ADGRD1: variants seen among roughly 807,000 people sequenced by gnomAD.
The protein encoded by ADGRD1 is G-protein coupled receptor 133.
ADGRD1 carries 77 observed loss-of-function variants against 113.4 expected under a neutral mutation model. The observed-to-expected ratio is 0.68, with a 90% CI of 0.57 to 0.82. The LOEUF (loss-of-function observed/expected upper bound fraction) is 0.82, where lower values mean the gene tolerates loss of function less well. Among genes scored for constraint, ADGRD1 ranks in the 40% least tolerant of loss-of-function variants. The pLI is 0.00. For synonymous variants in ADGRD1, 474 were observed against 475.0 expected (o/e 1.00, Z 0.03); for missense variants, 1,036 against 1,139.1 (o/e 0.91, Z 1.30).
chr12:130,954,624 G>A lies in ADGRD1; in HGVS notation c.67G>A (p.Val23Met). ...TCACACTGTGGTCTTTTGTGCGCAG[G>A]TGCGTGGCGTCTACTCCAGATCGCA... ...WLLLFYYNFQVRGVYSRSQDH... is the reference protein window; with the variant it reads ...WLLLFYYNFQMRGVYSRSQDH... The change falls in exon 2 of 25, where the codon GTG becomes ATG. Residue 23 changes from valine (V) to methionine (M), a missense_variant and splice_region_variant. Val to Met is a conservative substitution (Grantham distance 21, BLOSUM62 1). Coordinates refer to ENST00000261654, the MANE Select transcript of ADGRD1 (RefSeq NM_198827.5). This position sits in a 1 kb window ranked among gnomAD's most constrained non-coding sequence, Gnocchi z 4.7. 6.2e-7 allele frequency: 1 copy of A among 1,613,888 alleles called. No homozygotes were observed. The highest frequency in any genetic ancestry group is 2.2e-5 in the East Asian group (1 of 44,872).
rs148725070 is a variant in ADGRD1 at position 131,049,449 on chromosome 12, C to T, written c.1474-27352C>T. 5.9e-5 allele frequency among the ~76,000 whole-genome samples: 9 copies of T among 152,372 alleles called. No homozygotes were observed. In the East Asian group the frequency reaches 1.7e-3, roughly 29 times the overall value. On this transcript the variant is annotated intron_variant, in intron 13 of 24. Transcript: ENST00000261654. Reference sequence around the variant, plus strand: ...GATCTCCATGCCTACTTTTCCCTCACTCTAAGCCATTATAGCCAGAGATTC... The same window carrying T: ...GATCTCCATGCCTACTTTTCCCTCATTCTAAGCCATTATAGCCAGAGATTC...
At chr12:131,087,730 C>A (rs921268016) in intron 15 of ADGRD1, among the ~76,000 whole-genome samples, 5 of 152,330 alleles carry the variant, frequency 3.3e-5, no homozygotes, top group Admixed American at 6.5e-5. Flanking sequence ...TCCCCACGCC[C>A]CCCCCATGCC....
chr12:131,064,940 C>G (rs554669186), intron 13 of ADGRD1, among the ~76,000 whole-genome samples: 1 of 152,330 alleles, frequency 6.6e-6, no homozygotes, highest in Non-Finnish European at 1.5e-5. Flanking sequence ...CTGCCCAGCT[C>G]TTGAGCTAGT....
intron 6 of ADGRD1, chr12:130,988,351 T>C (rs1360376492): frequency 6.6e-6 from 1 of 152,162 alleles, no homozygotes; most frequent in African/African-American, 2.4e-5. Context: ...AATAATCTGC[T>C]AAAAAATGAC....
At chr12:131,073,177 AGC>A (rs1247629251) in intron 13 of ADGRD1, among the ~76,000 whole-genome samples, 1 of 152,210 alleles carries the variant, frequency 6.6e-6, no homozygotes, top group African/African-American at 2.4e-5. Context: ...GTCCTGTCTT[AGC>A]CTCTATCAGG....
chr12:131,009,374 G>A (rs946024544), intron 12 of ADGRD1, among the ~76,000 whole-genome samples: 1 of 152,248 alleles, frequency 6.6e-6, no homozygotes, highest in African/African-American at 2.4e-5. Flanking sequence ...AGAGGTTCGT[G>A]CCTGAGCTAA....
intron 17 of ADGRD1, 145 bp from the exon 18 acceptor site, chr12:131,108,579 G>A: frequency 8.8e-7 from 1 of 1,138,894 alleles, no homozygotes; most frequent in Admixed American, 1.9e-5. Flanking sequence ...CCCTGGGCTT[G>A]AGCAACAGGA....
intron 13 of ADGRD1, chr12:131,030,622 C>G (rs560388603): frequency 2.0e-5 from 3 of 152,380 alleles, no homozygotes; most frequent in Non-Finnish European, 2.9e-5. Context: ...TTCAGCTGCA[C>G]ATCGGGGCAG....
chr12:131,076,449 G>A (rs1447914166), intron 13 of ADGRD1, among the ~76,000 whole-genome samples: 1 of 152,104 alleles, frequency 6.6e-6, no homozygotes, highest in African/African-American at 2.4e-5. Context: ...GGCCTGGTAG[G>A]GAGTGGGGAA....
intron 13 of ADGRD1, 103 bp downstream of exon 13, chr12:131,014,443 T>G: frequency 9.1e-7 from 1 of 1,103,696 alleles, no homozygotes; most frequent in Non-Finnish European, 1.3e-6. Flanking sequence ...CCAACAGCCT[T>G]GGTGCCGGCC....
At chr12:131,016,214 A>G (rs1878554375) in intron 13 of ADGRD1, among the ~76,000 whole-genome samples, 1 of 152,244 alleles carries the variant, frequency 6.6e-6, no homozygotes, top group South Asian at 2.1e-4. Flanking sequence ...TGTATGCTAT[A>G]ATCATTTATG....
rs373842889 is a variant in ADGRD1, at chr12:131,138,246, T to TA, written c.2529+20dup. ...TCGGACCTCGTGAGTGCAGCCTCCA[T>TA]AAACCGAGGGTCCCAGCCCATCCTC... On this transcript the variant is annotated intron_variant, in intron 24 of 24. Coordinates refer to ENST00000261654, the MANE Select transcript of ADGRD1 (RefSeq NM_198827.5). 1,250 of 1,606,170 alleles carry TA rather than the reference T, an allele frequency of 7.8e-4. 12 individuals carry two copies. In the African/African-American group the frequency reaches 0.015, roughly 20 times the overall value.
chr12:131,014,056 T>C (rs981767885), intron 12 of ADGRD1, 143 bp from the exon 13 acceptor site: 14 of 771,420 alleles, frequency 1.8e-5, no homozygotes, highest in Non-Finnish European at 2.9e-5. Flanking sequence ...CAGCGGGAGC[T>C]GAATGAAAGA....
chr12:131,023,893 T>C (rs1220311096), intron 13 of ADGRD1: 1 of 152,146 alleles, frequency 6.6e-6, no homozygotes, highest in Non-Finnish European at 1.5e-5. Context: ...TGAGGGGCAA[T>C]GAAGTGACAA....
chr12:131,006,019 C>G lies in ADGRD1; in HGVS notation c.1303C>G (p.Leu435Val). The G allele has an allele frequency of 6.2e-7, 1 of 1,612,850 alleles. No individual in the cohort carries two copies. Among genetic ancestry groups the G allele is most frequent in the Non-Finnish European group, 8.5e-7 (1 of 1,179,992 alleles). The stretch of plus-strand genomic sequence containing the variant: ...GCTGTACCACAGCATGCACTACTAC[C>G]TGAACAACATCTGGCCCGCCCACAC... Reference protein sequence around the residue: ...GLLYHSMHYYLNNIWPAHTKI... With the variant: ...GLLYHSMHYYVNNIWPAHTKI... The change falls in exon 12 of 25, where the codon CTG becomes GTG. Residue 435 changes from leucine to valine, a missense_variant. Transcript: ENST00000261654.
intron 15 of ADGRD1, among the ~76,000 whole-genome samples, chr12:131,088,203 C>CAG (rs1477040685): frequency 1.4e-4 from 21 of 152,154 alleles, no homozygotes; most frequent in African/African-American, 5.1e-4. Flanking sequence ...AACTGAGCCC[C>CAG]AGAGAGAGGG....
In ADGRD1 at chr12:131,141,185, G is replaced by T. The variant is rs1005160146; in HGVS notation, c.*1922G>T. 10 of 152,198 alleles carry T rather than the reference G, an allele frequency of 6.6e-5. No homozygotes were observed. Among genetic ancestry groups the T allele is most frequent in the African/African-American group, 2.4e-4 (10 of 41,460 alleles). The allele number at this position is 152,198 out of a possible 1,614,324, so 9.4% of individuals were successfully genotyped here. A position where few individuals can be genotyped will look rare whatever the true frequency, so the allele number is the denominator to read the frequency against. ...ATCTTTAGTTTAGATGGAATTATTT[G>T]TTTTTAATTGTTGCCGTATTCATCT... On this transcript the variant is annotated 3_prime_UTR_variant, in exon 25 of 25. Coordinates refer to ENST00000261654, the MANE Select transcript of ADGRD1 (RefSeq NM_198827.5).
intron 21 of ADGRD1, among the ~76,000 whole-genome samples, chr12:131,132,158 C>T (rs1950946845): frequency 2.6e-5 from 4 of 152,210 alleles, no homozygotes; most frequent in Admixed American, 2.6e-4. Context: ...CCCGCATCTG[C>T]CCTGGCCATC....
chr12:130,971,366 A>T lies in ADGRD1; in HGVS notation c.188-92A>T. On this transcript the variant is annotated intron_variant, in intron 3 of 24. Transcript: ENST00000261654. The surrounding 1 kb of genome is among the most constrained non-coding windows in gnomAD (Gnocchi z 4.2). ...CTTAGATAAATAATAATGCATACTT[A>T]CACATAAGTTATTTGTAGGTCTGAC... is the stretch of plus-strand genomic sequence containing the variant. 1 of 864,344 alleles carries T rather than the reference A, an allele frequency of 1.2e-6. No individual in the cohort carries two copies. Among genetic ancestry groups the T allele is most frequent in the Non-Finnish European group, 1.8e-6 (1 of 562,794 alleles). 53.5% of individuals were successfully genotyped at this position (864,344 alleles called of 1,614,324 possible). A position where few individuals can be genotyped will look rare whatever the true frequency, so the allele number is the denominator to read the frequency against.
Sources: allele counts gnomAD v4.1 joint callset (sites outside exome capture counted in the v4.1 genomes callset), GRCh38; gene constraint gnomAD v4.1.1; non-coding constraint Gnocchi (gnomAD v3.1); transcripts MANE v1.5; gene names NCBI Gene and HGNC (gene_info 2026-07-23, HGNC 2026-07-21).